Variants in ZNF578 observed in about 807,000 individuals in gnomAD.
ZNF578 encodes zinc finger protein 578.
In ZNF578, 8 loss-of-function variants were observed where a neutral mutation model predicts 8.3. The ratio of observed to expected loss-of-function variants is 0.96; its 90% CI spans 0.56 to 1.74. ZNF578 has a LOEUF of 1.74. Ranked by LOEUF, ZNF578 falls within the 40% of genes most tolerant of loss-of-function variation. The pLI is 0.00. For synonymous variants in ZNF578, 206 were observed against 232.2 expected (o/e 0.89, Z 1.03); for missense variants, 726 against 707.5 (o/e 1.03, Z -0.30).
At chr19:52,477,964 G>A (rs1482519419) in intron 2 of ZNF578, among the ~76,000 whole-genome samples, 2 of 152,150 alleles carry the variant, frequency 1.3e-5, no homozygotes, top group Admixed American at 1.3e-4. Flanking sequence ...TGTGGCCCAG[G>A]CATGTTTAGT....
At chr19:52,486,620 G>A (rs551617767) in intron 2 of ZNF578, among the ~76,000 whole-genome samples, 1 of 152,168 alleles carries the variant, frequency 6.6e-6, no homozygotes, top group Admixed American at 6.6e-5. Flanking sequence ...TTGGAGCCAG[G>A]GCAGACAGAG....
intron 2 of ZNF578, among the ~76,000 whole-genome samples, chr19:52,466,455 A>G (rs2059275519): frequency 1.3e-5 from 2 of 152,154 alleles, no homozygotes; most frequent in South Asian, 2.1e-4. Context: ...CCATATTTTT[A>G]TGGCCAGTTT....
intron 2 of ZNF578, among the ~76,000 whole-genome samples, chr19:52,465,569 T>C (rs1270092666): frequency 1.3e-5 from 2 of 152,170 alleles, no homozygotes; most frequent in Non-Finnish European, 2.9e-5. Flanking sequence ...CCTTTCCTTC[T>C]CCCTTTGTTC....
At chr19:52,474,838 G>T (rs1673903) in intron 2 of ZNF578, 172,254 of 200,356 alleles carry the variant, frequency 0.86, 76,191 homozygotes, top group Non-Finnish European at 0.96. Context: ...ATTCTTCGAT[G>T]TTGTGCAAGG....
intron 2 of ZNF578, among the ~76,000 whole-genome samples, chr19:52,477,375 C>G (rs934047937): frequency 2.6e-5 from 4 of 152,022 alleles, no homozygotes; most frequent in African/African-American, 9.7e-5. Context: ...TGGGTCCAGG[C>G]CCCCTTCTCA....
chr19:52,480,693 C>G (rs1179101680), intron 2 of ZNF578, among the ~76,000 whole-genome samples: 1 of 151,652 alleles, frequency 6.6e-6, no homozygotes, highest in African/African-American at 2.4e-5. Flanking sequence ...GTCAGGAGTT[C>G]AAGACGAGCG....
intron 2 of ZNF578, among the ~76,000 whole-genome samples, chr19:52,463,508 G>A (rs1020737826): frequency 5.3e-5 from 8 of 151,700 alleles, no homozygotes; most frequent in African/African-American, 1.7e-4. Flanking sequence ...AAGTCAGCTT[G>A]CTGATTAGCC....
intron 2 of ZNF578, chr19:52,458,446 AAAC>A (rs1274407569): frequency 1.1e-4 from 13 of 122,816 alleles, no homozygotes; most frequent in East Asian, 9.4e-4. Context: ...ATTAAAAAAA[AAAC>A]AACAACTTGC....
intron 5 of ZNF578, among the ~76,000 whole-genome samples, chr19:52,509,159 C>A (rs1345262033): frequency 6.6e-6 from 1 of 152,036 alleles, no homozygotes; most frequent in Non-Finnish European, 1.5e-5. Context: ...GCCTCAGCCT[C>A]CCAAGGTGCT....
chr19:52,502,356 A>G (rs998069556), intron 4 of ZNF578, among the ~76,000 whole-genome samples: 8 of 152,200 alleles, frequency 5.3e-5, no homozygotes, highest in African/African-American at 1.7e-4. Flanking sequence ...AAGGAGAGGT[A>G]TTTTGTATCT....
chr19:52,500,070 G>A (rs2059401162), intron 3 of ZNF578, among the ~76,000 whole-genome samples: 2 of 152,130 alleles, frequency 1.3e-5, no homozygotes, highest in African/African-American at 4.8e-5. Context: ...GTGACAAGCA[G>A]CCTTTCTTTC....
chr19:52,459,769 A>ATATATATATTT lies in ZNF578; in HGVS notation c.-122+2812_-122+2813insATATATATTTT, dbSNP rs1555751349. On this transcript the variant is annotated intron_variant, in intron 2 of 5. Coordinates refer to ENST00000421239, the MANE Select transcript of ZNF578 (RefSeq NM_001099694.2). Reference sequence around the variant, plus strand: ...TGTGTGTGTATATATATATATATATATTTTTTTTTTTTTTTTTTTTTTTTG... The same window carrying ATATATATATTT: ...TGTGTGTGTATATATATATATATATATATATATATTTTTTTTTTTTTTTTTTTTTTTTTTTG... 9.1e-3 allele frequency among the ~76,000 whole-genome samples: 161 copies of ATATATATATTT among 17,616 alleles called. 14 individuals carry two copies. Among genetic ancestry groups the ATATATATATTT allele is most frequent in the South Asian group, 0.018 (3 of 164 alleles). The allele number at this position is 17,616 out of a possible 152,430, so 11.6% of individuals were successfully genotyped here. A position where few individuals can be genotyped will look rare whatever the true frequency, so the allele number is the denominator to read the frequency against.
chr19:52,454,971 A>G (rs1372964199), intron 1 of ZNF578: 3 of 152,144 alleles, frequency 2.0e-5, no homozygotes, highest in African/African-American at 7.2e-5. Flanking sequence ...AGATATTTGT[A>G]ACAGGCTCAC....
chr19:52,503,502 C>T (rs10418854), intron 4 of ZNF578, among the ~76,000 whole-genome samples: 3,311 of 152,232 alleles, frequency 0.022, 114 homozygotes, highest in African/African-American at 0.074. Flanking sequence ...TTCGCTGTCA[C>T]GCCTGGCTAA....
At chr19:52,483,507 C>G (rs1046960722) in intron 2 of ZNF578, among the ~76,000 whole-genome samples, 11 of 152,240 alleles carry the variant, frequency 7.2e-5, no homozygotes, top group Non-Finnish European at 4.4e-5. Flanking sequence ...CAGGCACCAT[C>G]TGCAGGAACA....
chr19:52,510,891 T>C lies in ZNF578; in HGVS notation c.510T>C (p.Phe170=). Residue 170 remains phenylalanine, a synonymous_variant, in exon 6 of 6, where the codon TTT becomes TTC. Transcript: ENST00000421239. ...TGCATCTTCCTGAACTCCACATATT[T>C]CAGCCCGAAGAGAAAATTGCTAATC... ...FHLHLPELHI[F]QPEEKIANQV... 1 of 1,614,174 alleles carries C rather than the reference T, an allele frequency of 6.2e-7. No homozygotes were observed. The highest frequency in any genetic ancestry group is 1.1e-5 in the South Asian group (1 of 91,076).
chr19:52,489,984 C>A (rs760786815), intron 2 of ZNF578, among the ~76,000 whole-genome samples: 7 of 152,186 alleles, frequency 4.6e-5, no homozygotes, highest in Non-Finnish European at 7.3e-5. Context: ...TCACAGACAC[C>A]ATCTGCAGAA....
At chr19:52,475,020 G>T in intron 2 of ZNF578, 1 of 196,276 alleles carries the variant, frequency 5.1e-6, no homozygotes, top group South Asian at 9.6e-5. Context: ...TGCAAGATGT[G>T]AATTGCGATT....
At chr19:52,488,292 C>A (rs181745438) in intron 2 of ZNF578, among the ~76,000 whole-genome samples, 1 of 152,132 alleles carries the variant, frequency 6.6e-6, no homozygotes, top group Non-Finnish European at 1.5e-5. Context: ...CGGTGGCTCA[C>A]ACCTGTAATC....
Sources: allele counts gnomAD v4.1 joint callset (sites outside exome capture counted in the v4.1 genomes callset), GRCh38; gene constraint gnomAD v4.1.1; transcripts MANE v1.5; gene names NCBI Gene and HGNC (gene_info 2026-07-23, HGNC 2026-07-21).